The following LY6S variants were observed in gnomAD, a reference collection of about 807,000 sequenced individuals.
LY6S encodes lymphocyte antigen 6 family member S, also known as lymphocyte antigen 6S.
At chr8:143,057,502 C>A in the LY6S span, 1 of 721,494 alleles carries the variant, frequency 1.4e-6, no homozygotes, top group East Asian at 2.8e-5. Flanking sequence ...CCCGCCCCGG[C>A]CTCCCAAAGT....
chr8:143,043,124 C>T, the LY6S span: 2 of 1,366,960 alleles, frequency 1.5e-6, no homozygotes, highest in East Asian at 4.6e-5. Context: ...AAGGCCCTCA[C>T]AGCAGGGCCC....
the LY6S span, among the ~76,000 whole-genome samples, chr8:143,068,714 G>A: frequency 6.6e-6 from 1 of 151,698 alleles, no homozygotes; most frequent in Non-Finnish European, 1.5e-5. Flanking sequence ...TGGTTGTTAT[G>A]GTGATTTATG....
At chr8:143,055,300 G>A in the LY6S span, among the ~76,000 whole-genome samples, 11 of 152,248 alleles carry the variant, frequency 7.2e-5, no homozygotes, top group South Asian at 8.3e-4. Flanking sequence ...AAGCTGGGGC[G>A]GAGCAGGCCC....
At chr8:143,071,156 A>G in the LY6S span, among the ~76,000 whole-genome samples, 26 of 152,072 alleles carry the variant, frequency 1.7e-4, no homozygotes, top group South Asian at 3.8e-3. Flanking sequence ...GGCATGGAAT[A>G]CAGACTCAGG....
chr8:143,065,972 G>T, the LY6S span: 1 of 331,266 alleles, frequency 3.0e-6, no homozygotes, highest in Non-Finnish European at 5.8e-6. Flanking sequence ...ATCGAGGCGG[G>T]GGTGTTCGGT....
the LY6S span, among the ~76,000 whole-genome samples, chr8:143,072,583 C>T: frequency 1.5e-5 from 2 of 136,150 alleles, no homozygotes; most frequent in Admixed American, 7.1e-5. Flanking sequence ...CCGTCGTCCT[C>T]GGGGTTCCTG....
the LY6S span, among the ~76,000 whole-genome samples, chr8:143,052,419 C>T: frequency 2.6e-5 from 4 of 152,308 alleles, no homozygotes; most frequent in African/African-American, 4.8e-5. Context: ...CCAAAATAAC[C>T]GTGGGGGCAA....
At chr8:143,069,873 AATACACGTGAATGAACAG>A in the LY6S span, among the ~76,000 whole-genome samples, 1 of 152,118 alleles carries the variant, frequency 6.6e-6, no homozygotes, top group African/African-American at 2.4e-5. Context: ...CTGAGGACAA[AATACACGTGAATGAACAG>A]GGGACAGGGG....
At chr8:143,059,616 C>G in the LY6S span, 1 of 152,096 alleles carries the variant, frequency 6.6e-6, no homozygotes, top group Non-Finnish European at 1.5e-5. Flanking sequence ...TAGGCACGCA[C>G]GACCACACTC....
chr8:143,043,286 G>T, the LY6S span: 5 of 1,324,788 alleles, frequency 3.8e-6, no homozygotes, highest in Non-Finnish European at 5.0e-6. Flanking sequence ...GGGGGAATCC[G>T]ACGTCCTTCT....
the LY6S span, among the ~76,000 whole-genome samples, chr8:143,075,934 T>C: frequency 6.6e-6 from 1 of 152,240 alleles, no homozygotes. This position sits in a 1 kb window ranked among gnomAD's most constrained non-coding sequence, Gnocchi z 4.1. Flanking sequence ...GCTTTTGTTA[T>C]GAACGTCTGT....
the LY6S span, among the ~76,000 whole-genome samples, chr8:143,061,681 A>G: frequency 6.6e-6 from 1 of 152,174 alleles, no homozygotes; most frequent in Non-Finnish European, 1.5e-5. Context: ...AATAGCTGGG[A>G]TCACAGGCAT....
chr8:143,074,317 T>C, the LY6S span, among the ~76,000 whole-genome samples: 1 of 152,152 alleles, frequency 6.6e-6, no homozygotes, highest in Non-Finnish European at 1.5e-5. Context: ...TCTCTGTCTC[T>C]CTCTGTGCAT....
At chr8:143,061,913 T>C in the LY6S span, among the ~76,000 whole-genome samples, 1 of 152,208 alleles carries the variant, frequency 6.6e-6, no homozygotes, top group Non-Finnish European at 1.5e-5. Context: ...CATGAATTTA[T>C]ACAAGATTAT....
chr8:143,069,828 T>C, the LY6S span, among the ~76,000 whole-genome samples: 8 of 152,256 alleles, frequency 5.3e-5, no homozygotes, highest in African/African-American at 1.9e-4. Flanking sequence ...CCTGAACCTG[T>C]GGCGTCTACA....
At chr8:143,070,612 G>A in the LY6S span, among the ~76,000 whole-genome samples, 1 of 148,802 alleles carries the variant, frequency 6.7e-6, no homozygotes, top group Non-Finnish European at 1.5e-5. Context: ...CCAGCCTCCT[G>A]GGTAGCTGGG....
chr8:143,057,739 C>T, the LY6S span: 2 of 790,434 alleles, frequency 2.5e-6, no homozygotes, highest in Non-Finnish European at 4.7e-6. Context: ...TCAGCTTAAT[C>T]ACTGTGTCGA....
the LY6S span, among the ~76,000 whole-genome samples, chr8:143,073,501 CGG>C: frequency 4.4e-5 from 6 of 135,210 alleles, no homozygotes; most frequent in African/African-American, 1.7e-4. Context: ...CCGTCGTCCC[CGG>C]GGCTCCTGTT....
At chr8:143,072,778 C>T in the LY6S span, among the ~76,000 whole-genome samples, 1 of 136,738 alleles carries the variant, frequency 7.3e-6, no homozygotes, top group African/African-American at 2.8e-5. Flanking sequence ...AGGAGACAGC[C>T]GTCGTCCCCG....
Sources: gnomAD v4.1 joint callset for allele counts (sites outside exome capture counted in the v4.1 genomes callset) on GRCh38, gnomAD v4.1.1 for gene constraint, Gnocchi (gnomAD v3.1) non-coding constraint, MANE v1.5 for transcripts, NCBI Gene and HGNC (gene_info 2026-07-23, HGNC 2026-07-21) for gene names.